NCAM1: variants seen among roughly 807,000 people sequenced by gnomAD.
NCAM1 encodes neural cell adhesion molecule 1.
NCAM1 carries 14 observed loss-of-function variants against 109.8 expected under a neutral mutation model. The ratio of observed to expected loss-of-function variants is 0.13; its 90% CI spans 0.08 to 0.20. The LOEUF is 0.20. NCAM1 is among the 10% of genes least tolerant of loss of function. The pLI is 1.00. For synonymous variants in NCAM1, 418 were observed against 442.9 expected, an observed-to-expected ratio of 0.94 and a Z score of 0.70; for missense variants, 774 against 1,109.9, an observed-to-expected ratio of 0.70 and a Z score of 4.30.
chr11:113,076,404 C>G (rs1938528003), intron 1 of NCAM1, among the ~76,000 whole-genome samples: 3 of 152,060 alleles, frequency 2.0e-5, no homozygotes, highest in African/African-American at 4.8e-5. Context: ...TAGCCATGGC[C>G]CCTCTAGGCC....
At chr11:113,180,191 G>A (rs2136569066) in intron 1 of NCAM1, among the ~76,000 whole-genome samples, 1 of 152,326 alleles carries the variant, frequency 6.6e-6, no homozygotes, top group East Asian at 1.9e-4. Context: ...TTGAACAGCT[G>A]CTGGGCACAG....
chr11:113,216,991 C>A, intron 8 of NCAM1, among the ~76,000 whole-genome samples: 1 of 152,188 alleles, frequency 6.6e-6, no homozygotes, highest in East Asian at 1.9e-4. Flanking sequence ...AGATTACTAG[C>A]ATCACTGTAA....
At chr11:113,063,825 T>G (rs1937801146) in intron 1 of NCAM1, among the ~76,000 whole-genome samples, 1 of 152,182 alleles carries the variant, frequency 6.6e-6, no homozygotes, top group Non-Finnish European at 1.5e-5. Flanking sequence ...TTGACTTAGT[T>G]TAAGTGAATG....
intron 1 of NCAM1, among the ~76,000 whole-genome samples, chr11:113,059,901 A>G (rs1316292773): frequency 6.6e-6 from 1 of 152,176 alleles, no homozygotes; most frequent in Non-Finnish European, 1.5e-5. Flanking sequence ...TTAATAAATA[A>G]TACCTCTTAC....
At chr11:113,110,081 TA>T (rs1449292440) in intron 1 of NCAM1, among the ~76,000 whole-genome samples, 3 of 152,248 alleles carry the variant, frequency 2.0e-5, no homozygotes, top group Non-Finnish European at 4.4e-5. Flanking sequence ...GTCGTGTTTT[TA>T]ATATATGTAT....
At chr11:113,055,691 G>A (rs1953672869) in intron 1 of NCAM1, among the ~76,000 whole-genome samples, 1 of 151,886 alleles carries the variant, frequency 6.6e-6, no homozygotes, top group African/African-American at 2.4e-5. Context: ...AGTGAGACCT[G>A]TGATTTGTTT....
Position 112,962,797 on chromosome 11 carries a change from C to G in NCAM1, c.52+1133C>G, listed in dbSNP as rs1339327539. ...CCACCCAAGGATTTGCGCTTTGGCT[C>G]TGATGGACGGGAGGGAAGGAAGAAA... On this transcript the variant is annotated intron_variant, in intron 1 of 19. Transcript: ENST00000316851. This position sits in a 1 kb window ranked among gnomAD's most constrained non-coding sequence, Gnocchi z 5.6. Among the ~76,000 whole-genome samples the G allele has an allele frequency of 6.6e-6, 1 of 152,072 alleles. No homozygotes were observed. Among genetic ancestry groups the G allele is most frequent in the Non-Finnish European group, 1.5e-5 (1 of 68,012 alleles).
At chr11:113,149,649 G>A (rs997722255) in intron 1 of NCAM1, among the ~76,000 whole-genome samples, 1 of 152,096 alleles carries the variant, frequency 6.6e-6, no homozygotes, top group South Asian at 2.1e-4. Context: ...CAAATAGTGA[G>A]GAAAAATTTA....
At chr11:113,144,388 T>G (rs1434030277) in intron 1 of NCAM1, among the ~76,000 whole-genome samples, 3 of 152,256 alleles carry the variant, frequency 2.0e-5, no homozygotes, top group Non-Finnish European at 4.4e-5. Context: ...TTGTTCTACT[T>G]CTTAAAGATT....
At chr11:112,989,966 A>G (rs1951413496) in intron 1 of NCAM1, among the ~76,000 whole-genome samples, 8 of 152,132 alleles carry the variant, frequency 5.3e-5, no homozygotes, top group Admixed American at 5.2e-4. Flanking sequence ...CCCTGTCACA[A>G]TTATTTTATT....
chr11:112,993,759 C>G (rs1311589888), intron 1 of NCAM1, among the ~76,000 whole-genome samples: 1 of 152,202 alleles, frequency 6.6e-6, no homozygotes, highest in Non-Finnish European at 1.5e-5. Flanking sequence ...ATATTGTTCA[C>G]TGAGGAGCCA....
In NCAM1 at chr11:113,275,495, CAT is replaced by C; in HGVS notation, c.*109_*110del. 1 of 1,301,446 alleles carries C rather than the reference CAT, an allele frequency of 7.7e-7. No homozygotes were observed. The highest frequency in any genetic ancestry group is 1.1e-6 in the Non-Finnish European group (1 of 945,088). The allele number at this position is 1,301,446 out of a possible 1,614,324, so 80.6% of individuals were successfully genotyped here. A position where few individuals can be genotyped will look rare whatever the true frequency, so the allele number is the denominator to read the frequency against. On this transcript the variant is annotated 3_prime_UTR_variant, in exon 20 of 20. Transcript: ENST00000316851. ...ACACGCACGCACACACACAAACACA[CAT>C]GCACACACACACATCTCATTTCTCT... is the stretch of plus-strand genomic sequence containing the variant.
At chr11:113,216,269 C>T (rs1020680145) in intron 8 of NCAM1, among the ~76,000 whole-genome samples, 6 of 151,570 alleles carry the variant, frequency 4.0e-5, no homozygotes, top group Non-Finnish European at 8.8e-5. Flanking sequence ...CCTGCCTCAG[C>T]CTCCCGAGTA....
chr11:113,079,171 A>G (rs1197803430), intron 1 of NCAM1, among the ~76,000 whole-genome samples: 2 of 152,208 alleles, frequency 1.3e-5, no homozygotes, highest in Non-Finnish European at 2.9e-5. Flanking sequence ...TTGAAGTTCC[A>G]CGAAATATAA....
intron 1 of NCAM1, among the ~76,000 whole-genome samples, chr11:113,149,138 A>T (rs568504026): frequency 6.6e-6 from 1 of 152,268 alleles, no homozygotes; most frequent in South Asian, 2.1e-4. Flanking sequence ...AGTTGCCTGG[A>T]CTACTTTGGG....
Position 112,975,266 on chromosome 11 carries a change from A to G in NCAM1, c.52+13602A>G, listed in dbSNP as rs1591204318. ...AATCAGAACAAGAACAATTTTATGA[A>G]CACATTGGCAAGTGGCCATGTCTCA... is the stretch of plus-strand genomic sequence containing the variant. On this transcript the variant is annotated intron_variant, in intron 1 of 19. Transcript: ENST00000316851. 2.6e-5 allele frequency among the ~76,000 whole-genome samples: 4 copies of G among 152,040 alleles called. No homozygotes were observed. The East Asian group carries it at 7.7e-4, about 29-fold the overall frequency.
intron 1 of NCAM1, among the ~76,000 whole-genome samples, chr11:113,068,683 A>T (rs1382823318): frequency 1.3e-5 from 2 of 152,164 alleles, no homozygotes; most frequent in African/African-American, 4.8e-5. Flanking sequence ...ACATATTGTG[A>T]TGTAAACATT....
intron 1 of NCAM1, among the ~76,000 whole-genome samples, chr11:113,195,197 C>T (rs1430714304): frequency 2.6e-5 from 4 of 152,186 alleles, no homozygotes; most frequent in African/African-American, 7.2e-5. Flanking sequence ...ACCTTATTTT[C>T]TTCTTCCACC....
At chr11:113,030,360 T>A (rs1288059322) in intron 1 of NCAM1, among the ~76,000 whole-genome samples, 1 of 152,188 alleles carries the variant, frequency 6.6e-6, no homozygotes, top group East Asian at 1.9e-4. Flanking sequence ...TGGGGTGTAC[T>A]TTAGGAGTAT....
Sources: allele counts gnomAD v4.1 joint callset (sites outside exome capture counted in the v4.1 genomes callset), GRCh38; gene constraint gnomAD v4.1.1; non-coding constraint Gnocchi (gnomAD v3.1); transcripts MANE v1.5; gene names NCBI Gene and HGNC (gene_info 2026-07-23, HGNC 2026-07-21).